The following PBX3 variants were observed in gnomAD, a reference collection of about 807,000 sequenced individuals.
The protein encoded by PBX3 is pre-B-cell leukemia transcription factor 3.
In PBX3, 14 loss-of-function variants were observed where a neutral mutation model predicts 48.5. The ratio of observed to expected loss-of-function variants is 0.29; its 90% CI spans 0.19 to 0.45. PBX3 has a LOEUF of 0.45. PBX3 is among the 20% of genes least tolerant of loss of function. The probability of loss-of-function intolerance (pLI) is 1.00; values close to 1 mark genes in which losing one functional copy is unlikely to be tolerated. For synonymous variants in PBX3, 210 were observed against 200.3 expected (o/e 1.05, Z -0.41); for missense variants, 386 against 546.7 (o/e 0.71, Z 2.93).
At chr9:125,844,688 T>C (rs958856315) in intron 2 of PBX3, 12 of 152,172 alleles carry the variant, frequency 7.9e-5, no homozygotes. Flanking sequence ...GTTCATTACC[T>C]TAATTGCTGA....
intron 2 of PBX3, among the ~76,000 whole-genome samples, chr9:125,765,398 C>T (rs1836776688): frequency 6.6e-6 from 1 of 152,134 alleles, no homozygotes; most frequent in African/African-American, 2.4e-5. Context: ...GATCTGCCCA[C>T]CTTGGCCTCC....
At chr9:125,791,752 G>A (rs1467400306) in intron 2 of PBX3, among the ~76,000 whole-genome samples, 3 of 151,984 alleles carry the variant, frequency 2.0e-5, no homozygotes, top group African/African-American at 7.3e-5. Flanking sequence ...TGGCTAACAC[G>A]GTGAAACCCC....
At chr9:125,915,553 A>C (rs966842191) in intron 2 of PBX3, 133 bp from the exon 3 acceptor site, 2 of 659,562 alleles carry the variant, frequency 3.0e-6, no homozygotes, top group African/African-American at 3.6e-5. Flanking sequence ...AAATGTGAAC[A>C]ATGAAGTTCT....
At chr9:125,914,495 A>G (rs1209243932) in intron 2 of PBX3, among the ~76,000 whole-genome samples, 5 of 152,226 alleles carry the variant, frequency 3.3e-5, no homozygotes, top group Admixed American at 3.3e-4. Flanking sequence ...AGGTTAGCAT[A>G]TAAAATCAGA....
Position 125,914,910 on chromosome 9 carries a change from A to G in PBX3, c.275-776A>G, listed in dbSNP as rs146525507. 1.4e-4 allele frequency among the ~76,000 whole-genome samples: 21 copies of G among 152,330 alleles called. No individual in the cohort carries two copies. In the East Asian group the frequency reaches 3.9e-3, roughly 28 times the overall value. On this transcript the variant is annotated intron_variant, in intron 2 of 8. Coordinates refer to ENST00000373489, the MANE Select transcript of PBX3 (RefSeq NM_006195.6). ...ACCTATGAATTGTCAGCTATGATCTATAGTACTCAGAAGAGGTTGCTGACT... is the reference window on the plus strand; with the variant it reads ...ACCTATGAATTGTCAGCTATGATCTGTAGTACTCAGAAGAGGTTGCTGACT...
At chr9:125,878,566 G>A (rs372580964) in intron 2 of PBX3, among the ~76,000 whole-genome samples, 4 of 152,192 alleles carry the variant, frequency 2.6e-5, no homozygotes, top group African/African-American at 9.7e-5. Flanking sequence ...TCATGACCCA[G>A]CTTGATTGAT....
intron 2 of PBX3, among the ~76,000 whole-genome samples, chr9:125,756,430 G>A (rs925883980): frequency 6.6e-6 from 1 of 152,132 alleles, no homozygotes; most frequent in Non-Finnish European, 1.5e-5. Context: ...AGAAGGTTAA[G>A]GTTTACTCAA....
At chr9:125,924,903 C>A (rs992653062) in intron 3 of PBX3, among the ~76,000 whole-genome samples, 7 of 152,138 alleles carry the variant, frequency 4.6e-5, no homozygotes, top group Non-Finnish European at 8.8e-5. Flanking sequence ...CTGCCAAATA[C>A]CCAACTCCAT....
chr9:125,948,961 T>C (rs1842129650), intron 5 of PBX3, among the ~76,000 whole-genome samples: 1 of 152,152 alleles, frequency 6.6e-6, no homozygotes, highest in East Asian at 1.9e-4. Flanking sequence ...GAGATGGGGT[T>C]TCACCACATT....
chr9:125,849,618 A>C (rs1415014192), intron 2 of PBX3, among the ~76,000 whole-genome samples: 2 of 151,998 alleles, frequency 1.3e-5, no homozygotes, highest in Non-Finnish European at 2.9e-5. Flanking sequence ...AATCAATATC[A>C]TGTCATAGTT....
intron 2 of PBX3, among the ~76,000 whole-genome samples, chr9:125,870,667 AAAT>A (rs1365247922): frequency 6.6e-6 from 1 of 152,230 alleles, no homozygotes. Flanking sequence ...TCACCATGTA[AAAT>A]AATATCTAAT....
intron 2 of PBX3, among the ~76,000 whole-genome samples, chr9:125,820,016 T>C (rs1302261601): frequency 6.6e-6 from 1 of 152,222 alleles, no homozygotes; most frequent in African/African-American, 2.4e-5. Context: ...AGAAATCTAT[T>C]CCTATTCATT....
chr9:125,838,376 G>A (rs1839198779), intron 2 of PBX3, among the ~76,000 whole-genome samples: 2 of 152,136 alleles, frequency 1.3e-5, no homozygotes. Flanking sequence ...TGGACAATGG[G>A]CCCTTGCTCT....
intron 2 of PBX3, among the ~76,000 whole-genome samples, chr9:125,808,560 A>G (rs1838196727): frequency 6.6e-6 from 1 of 152,072 alleles, no homozygotes. Flanking sequence ...TAGCGAGGCA[A>G]TAGGCTGAGA....
chr9:125,773,579 C>A (rs12341121), intron 2 of PBX3, among the ~76,000 whole-genome samples: 77,641 of 151,966 alleles, frequency 0.51, 21,592 homozygotes, highest in South Asian at 0.63. Context: ...GTAGGAAGCA[C>A]TCAATATCTG....
chr9:125,946,769 A>G (rs1318507768), intron 5 of PBX3, among the ~76,000 whole-genome samples: 1 of 152,192 alleles, frequency 6.6e-6, no homozygotes, highest in Non-Finnish European at 1.5e-5. Flanking sequence ...GAGCCCCAGA[A>G]GCAAATGTGA....
intron 2 of PBX3, among the ~76,000 whole-genome samples, chr9:125,833,719 T>C (rs1381555137): frequency 2.0e-5 from 3 of 152,216 alleles, no homozygotes; most frequent in Non-Finnish European, 2.9e-5. Flanking sequence ...TATGATTTCG[T>C]TCAAAGGAGG....
chr9:125,834,522 C>T (rs866630290), intron 2 of PBX3, among the ~76,000 whole-genome samples: 8 of 151,616 alleles, frequency 5.3e-5, no homozygotes, highest in Non-Finnish European at 7.4e-5. Flanking sequence ...CTCAGCCTCC[C>T]GAGCAGCTGG....
intron 2 of PBX3, among the ~76,000 whole-genome samples, chr9:125,856,229 C>G (rs73667099): frequency 0.036 from 5,481 of 152,234 alleles, 345 homozygotes; most frequent in African/African-American, 0.12. Context: ...TCTGGTTTCT[C>G]TGTGTCCCAA....
Sources: gnomAD v4.1 joint callset for allele counts (sites outside exome capture counted in the v4.1 genomes callset) on GRCh38, gnomAD v4.1.1 for gene constraint, MANE v1.5 for transcripts, NCBI Gene and HGNC (gene_info 2026-07-23, HGNC 2026-07-21) for gene names.